The following DYNC2H1 variants were observed in gnomAD, a reference collection of about 807,000 sequenced individuals.
DYNC2H1 encodes dynein cytoplasmic 2 heavy chain 1, also known as cytoplasmic dynein 2 heavy chain 1.
DYNC2H1 carries 410 observed loss-of-function variants against 570.0 expected under a neutral mutation model. The observed-to-expected ratio is 0.72, with a 90% CI of 0.66 to 0.78. DYNC2H1 has a LOEUF of 0.78. Among genes scored for constraint, DYNC2H1 ranks in the 30% least tolerant of loss-of-function variants. The pLI is 0.00. For synonymous variants in DYNC2H1, 1,688 were observed against 1,677.6 expected (o/e 1.01, Z -0.15); for missense variants, 4,865 against 5,046.4 (o/e 0.96, Z 1.09).
At position 103,369,885 on chromosome 11, in the gene DYNC2H1, A is replaced by G. The variant is rs117735163; in HGVS notation, c.12156+11526A>G. Among the ~76,000 whole-genome samples the G allele has an allele frequency of 3.3e-4, 50 of 152,348 alleles. No homozygotes were observed. Among genetic ancestry groups the G allele is most frequent in the Admixed American group, 2.4e-3 (36 of 15,308 alleles). ...ACTGGCTTCAGGTGAGACTCAGCAC[A>G]TTCCCAGCTGTGGTGGTTGTGGAGA... On this transcript the variant is annotated intron_variant, in intron 83 of 88. Coordinates refer to ENST00000375735, the MANE Select transcript of DYNC2H1 (RefSeq NM_001377.3). This position sits in a 1 kb window ranked among gnomAD's most constrained non-coding sequence, Gnocchi z 4.0.
Position 103,231,376 on chromosome 11 carries a change from T to A in DYNC2H1, c.9440+30T>A, listed in dbSNP as rs772206279. 3 of 1,438,424 alleles carry A rather than the reference T, an allele frequency of 2.1e-6. No homozygotes were observed. The South Asian group carries it at 3.7e-5, about 18-fold the overall frequency. The allele number at this position is 1,438,424 out of a possible 1,614,324, so 89.1% of individuals were successfully genotyped here. ...GTTATATTTTGAAGTGTATTTTGGA[T>A]AATGCTGAGAGTGTTTACATTTGAC... On this transcript the variant is annotated intron_variant, in intron 60 of 88. Coordinates refer to ENST00000375735, the MANE Select transcript of DYNC2H1 (RefSeq NM_001377.3).
intron 47 of DYNC2H1, among the ~76,000 whole-genome samples, chr11:103,193,324 C>A (rs1470561519): frequency 6.6e-6 from 1 of 152,094 alleles, no homozygotes; most frequent in Non-Finnish European, 1.5e-5. Flanking sequence ...ATGGTGCTAT[C>A]TTTCTCAGTC....
chr11:103,386,450 C>CCACACACACACACA (rs111771901), intron 83 of DYNC2H1, among the ~76,000 whole-genome samples: 14 of 150,706 alleles, frequency 9.3e-5, no homozygotes, highest in African/African-American at 3.4e-4. Context: ...TTAAAACACA[C>CCACACACACACACA]CACACACACA....
chr11:103,227,517 C>A (rs1004190531), intron 59 of DYNC2H1, among the ~76,000 whole-genome samples: 1 of 152,044 alleles, frequency 6.6e-6, no homozygotes, highest in African/African-American at 2.4e-5. Flanking sequence ...AGTTGATTTC[C>A]AGTTTTATTC....
chr11:103,373,489 A>G (rs1173466580), intron 83 of DYNC2H1, among the ~76,000 whole-genome samples: 3 of 151,990 alleles, frequency 2.0e-5, no homozygotes, highest in African/African-American at 4.8e-5. Flanking sequence ...TTTTGTTTCC[A>G]TGTATTTTTA....
intron 84 of DYNC2H1, 145 bp from the exon 85 acceptor site, chr11:103,435,798 G>C: frequency 1.6e-6 from 1 of 635,440 alleles, no homozygotes; most frequent in Non-Finnish European, 2.8e-6. Context: ...TGTCTCTACT[G>C]TTCAATTTAA....
At chr11:103,348,464 T>C (rs72979622) in intron 82 of DYNC2H1, among the ~76,000 whole-genome samples, 10,575 of 152,206 alleles carry the variant, frequency 0.069, 380 homozygotes, top group Non-Finnish European at 0.077. Flanking sequence ...TCTTCTGCCC[T>C]ATTCCCAGGC....
At position 103,439,556 on chromosome 11, in the gene DYNC2H1, C is replaced by T. The variant is rs1944187266; in HGVS notation, c.12456+3524C>T. 6.6e-6 allele frequency among the ~76,000 whole-genome samples: 1 copy of T among 151,950 alleles called. No homozygotes were observed. The highest frequency in any genetic ancestry group is 2.4e-5 in the African/African-American group (1 of 41,384). On this transcript the variant is annotated intron_variant, in intron 85 of 88. Transcript: ENST00000375735. This position sits in a 1 kb window ranked among gnomAD's most constrained non-coding sequence, Gnocchi z 4.1. ...TTATGTTTTAAAGGGACTGTTTTAGCTGCAGTATGGAGAGAGTCTTAGTCT... is the reference window on the plus strand; with the variant it reads ...TTATGTTTTAAAGGGACTGTTTTAGTTGCAGTATGGAGAGAGTCTTAGTCT...
chr11:103,320,359 G>A (rs117112388), intron 80 of DYNC2H1, among the ~76,000 whole-genome samples: 7,895 of 152,132 alleles, frequency 0.052, 261 homozygotes, highest in Non-Finnish European at 0.076. Context: ...CTGAGATCGC[G>A]TCATTGCACT....
chr11:103,139,130 G>T (rs1859748716), intron 17 of DYNC2H1, among the ~76,000 whole-genome samples: 1 of 151,950 alleles, frequency 6.6e-6, no homozygotes, highest in Non-Finnish European at 1.5e-5. Flanking sequence ...CTTGCTAGCG[G>T]TCTATCAATT....
chr11:103,477,254 T>C (rs1044664851), intron 88 of DYNC2H1, among the ~76,000 whole-genome samples: 2 of 152,186 alleles, frequency 1.3e-5, no homozygotes, highest in African/African-American at 4.8e-5. Flanking sequence ...TTTTGTCAAC[T>C]GTAGTATCTG....
chr11:103,308,993 A>G (rs937469553), intron 78 of DYNC2H1, among the ~76,000 whole-genome samples: 1 of 151,748 alleles, frequency 6.6e-6, no homozygotes, highest in Non-Finnish European at 1.5e-5. Context: ...CCTTCCTTCT[A>G]TGCTTATGTC....
At chr11:103,425,102 A>AT (rs1411310066) in intron 84 of DYNC2H1, among the ~76,000 whole-genome samples, 2 of 151,960 alleles carry the variant, frequency 1.3e-5, no homozygotes, top group African/African-American at 4.8e-5. Context: ...CACAAGGCTA[A>AT]TTTTTTTATT....
At chr11:103,396,709 G>A (rs935621251) in intron 83 of DYNC2H1, among the ~76,000 whole-genome samples, 7 of 152,074 alleles carry the variant, frequency 4.6e-5, no homozygotes, top group Non-Finnish European at 7.4e-5. Context: ...AATTTTTCTT[G>A]CCTAAATGAG....
intron 77 of DYNC2H1, among the ~76,000 whole-genome samples, chr11:103,304,979 G>T (rs909664897): frequency 2.0e-5 from 3 of 152,134 alleles, no homozygotes; most frequent in African/African-American, 7.2e-5. Context: ...AAGCTTAGAA[G>T]ACATATTTAT....
Position 103,479,461 on chromosome 11 carries a change from A to G in DYNC2H1, c.*208A>G. The G allele has an allele frequency of 2.2e-6, 1 of 460,876 alleles. No individual in the cohort carries two copies. The highest frequency in any genetic ancestry group is 3.5e-6 in the Non-Finnish European group (1 of 289,350). 28.5% of individuals were successfully genotyped at this position (460,876 alleles called of 1,614,324 possible). A position where few individuals can be genotyped will look rare whatever the true frequency, so the allele number is the denominator to read the frequency against. On this transcript the variant is annotated 3_prime_UTR_variant, in exon 89 of 89. Transcript: ENST00000375735. ...ATTAATGGAGTTATTGTTAAAACAG[A>G]GTATTCTTTTGACAACATTAAATAT...
At chr11:103,159,053 A>G (rs1434994634) in intron 28 of DYNC2H1, 26 bp downstream of exon 28, 1 of 1,562,908 alleles carries the variant, frequency 6.4e-7, no homozygotes, top group Non-Finnish European at 8.8e-7. Flanking sequence ...TATTTAACAG[A>G]TATTTATTGA....
At chr11:103,391,553 T>G (rs1475143018) in intron 83 of DYNC2H1, among the ~76,000 whole-genome samples, 1 of 152,250 alleles carries the variant, frequency 6.6e-6, no homozygotes, top group African/African-American at 2.4e-5. Flanking sequence ...GCTGTGTTCC[T>G]TTGGAAGGGA....
At chr11:103,294,457 A>G (rs1318732015) in intron 75 of DYNC2H1, among the ~76,000 whole-genome samples, 1 of 152,174 alleles carries the variant, frequency 6.6e-6, no homozygotes, top group Non-Finnish European at 1.5e-5. Context: ...CAAGAACTCT[A>G]TGACTCTTGC....
Sources: gnomAD v4.1 joint callset for allele counts (sites outside exome capture counted in the v4.1 genomes callset) on GRCh38, gnomAD v4.1.1 for gene constraint, Gnocchi (gnomAD v3.1) non-coding constraint, MANE v1.5 for transcripts, NCBI Gene and HGNC (gene_info 2026-07-23, HGNC 2026-07-21) for gene names.